The following CAMTA1 variants were observed in gnomAD, a reference collection of about 807,000 sequenced individuals.
The protein encoded by CAMTA1 is calmodulin binding transcription activator 1.
CAMTA1 carries 27 observed loss-of-function variants against 170.9 expected under a neutral mutation model. The ratio of observed to expected loss-of-function variants is 0.16; its 90% CI spans 0.12 to 0.22. The LOEUF (loss-of-function observed/expected upper bound fraction) is 0.22, where lower values mean the gene tolerates loss of function less well. Among genes scored for constraint, CAMTA1 ranks in the 10% least tolerant of loss-of-function variants. The probability of loss-of-function intolerance (pLI) is 1.00; values close to 1 mark genes in which losing one functional copy is unlikely to be tolerated. For missense variants in CAMTA1, 1,619 were observed against 2,217.2 expected, an observed-to-expected ratio of 0.73 and a Z score of 5.42; for synonymous variants, 833 against 891.5, an observed-to-expected ratio of 0.93 and a Z score of 1.17.
At chr1:7,020,422 G>A (rs1381348966) in intron 3 of CAMTA1, among the ~76,000 whole-genome samples, 1 of 152,196 alleles carries the variant, frequency 6.6e-6, no homozygotes, top group Non-Finnish European at 1.5e-5. Flanking sequence ...AGCCTGGGAG[G>A]GTAGGAGGCT....
At chr1:7,070,946 G>C (rs1471346087) in intron 3 of CAMTA1, among the ~76,000 whole-genome samples, 1 of 152,226 alleles carries the variant, frequency 6.6e-6, no homozygotes, top group East Asian at 1.9e-4. Context: ...GCGCTGACTT[G>C]GTGTGTGTTT....
chr1:7,122,319 A>G (rs147945089), intron 4 of CAMTA1, among the ~76,000 whole-genome samples: 1 of 152,010 alleles, frequency 6.6e-6, no homozygotes. Context: ...CACCCCAGGG[A>G]TGAGTGAGAA....
chr1:6,786,870 C>T (rs1311592279), intron 1 of CAMTA1, among the ~76,000 whole-genome samples: 1 of 152,168 alleles, frequency 6.6e-6, no homozygotes, highest in Admixed American at 6.5e-5. Context: ...ACTAGTTGCT[C>T]CTGTGTCTGA....
At position 7,234,496 on chromosome 1, in the gene CAMTA1, G is replaced by A. The variant is rs758448959; in HGVS notation, c.303-14995G>A. 5.9e-5 allele frequency among the ~76,000 whole-genome samples: 9 copies of A among 152,192 alleles called. No homozygotes were observed. Among genetic ancestry groups the A allele is most frequent in the Non-Finnish European group, 1.3e-4 (9 of 68,038 alleles). On this transcript the variant is annotated intron_variant, in intron 4 of 22. Transcript: ENST00000303635. This position sits in a 1 kb window ranked among gnomAD's most constrained non-coding sequence, Gnocchi z 5.0. ...CTACCGGACTGCAAGCTGTGCAGAG[G>A]CAGGGCTGTGGCACCCTCAGCACCC...
At chr1:7,105,388 G>A (rs182842557) in intron 4 of CAMTA1, among the ~76,000 whole-genome samples, 20 of 152,290 alleles carry the variant, frequency 1.3e-4, no homozygotes, top group Admixed American at 5.2e-4. Context: ...ATCTGAATTC[G>A]CAGAAGTCAC....
intron 6 of CAMTA1, among the ~76,000 whole-genome samples, chr1:7,578,901 C>CT (rs2095229827): frequency 1.3e-5 from 2 of 152,230 alleles, no homozygotes; most frequent in African/African-American, 4.8e-5. Flanking sequence ...AATTAAATTT[C>CT]TAACACATGA....
At chr1:6,876,693 C>CTA (rs1415916010) in intron 3 of CAMTA1, among the ~76,000 whole-genome samples, 2 of 152,132 alleles carry the variant, frequency 1.3e-5, no homozygotes, top group African/African-American at 4.8e-5. Flanking sequence ...GTCTTAGTAT[C>CTA]TGTCTTTCAA....
At position 6,877,792 on chromosome 1, in the gene CAMTA1, G is replaced by A. The variant is rs142955392; in HGVS notation, c.234+52582G>A. 7.8e-3 allele frequency among the ~76,000 whole-genome samples: 1,184 copies of A among 152,208 alleles called. 10 individuals are homozygous for A. The highest frequency in any genetic ancestry group is 0.011 in the Non-Finnish European group (778 of 68,000). On this transcript the variant is annotated intron_variant, in intron 3 of 22. Transcript: ENST00000303635. ...AGTACTTTATACCTCTAAGCCTTTC[G>A]TATTTCCAAAGGAGAAACCAGAATG...
intron 6 of CAMTA1, among the ~76,000 whole-genome samples, chr1:7,491,104 A>G (rs2093696647): frequency 6.6e-6 from 1 of 152,204 alleles, no homozygotes; most frequent in Admixed American, 6.5e-5. Flanking sequence ...AGGCTCTAGC[A>G]TGGTCTACCT....
At chr1:7,398,193 C>CTATATATATATATA (rs3034829) in intron 5 of CAMTA1, among the ~76,000 whole-genome samples, 16 of 16,890 alleles carry the variant, frequency 9.5e-4, no homozygotes, top group South Asian at 3.2e-3. Flanking sequence ...CTCTCTCTCT[C>CTATATATATATATA]TATATATATA....
intron 3 of CAMTA1, among the ~76,000 whole-genome samples, chr1:6,978,494 C>T (rs1255036926): frequency 1.3e-5 from 2 of 151,914 alleles, no homozygotes; most frequent in Non-Finnish European, 1.5e-5. Flanking sequence ...ATTAGCTGGG[C>T]GTGGTGGCAG....
At chr1:7,095,739 C>T (rs1642005014) in intron 4 of CAMTA1, among the ~76,000 whole-genome samples, 1 of 152,256 alleles carries the variant, frequency 6.6e-6, no homozygotes, top group Non-Finnish European at 1.5e-5. Flanking sequence ...GGGTGTTCTA[C>T]ACTGCCCTCT....
chr1:7,741,708 A>C (rs1202660943), intron 16 of CAMTA1, among the ~76,000 whole-genome samples: 1 of 152,114 alleles, frequency 6.6e-6, no homozygotes, highest in Non-Finnish European at 1.5e-5. Flanking sequence ...CAGCCTGGCC[A>C]ACATGGTGAA....
intron 4 of CAMTA1, among the ~76,000 whole-genome samples, chr1:7,233,071 C>A (rs1663142438): frequency 6.6e-6 from 1 of 151,870 alleles, no homozygotes; most frequent in East Asian, 1.9e-4. Flanking sequence ...AAAGCTCCCA[C>A]CAGAATGTGA....
rs1285012537 is a variant in CAMTA1, at chr1:7,293,290, G to A, written c.438+43664G>A. On this transcript the variant is annotated intron_variant, in intron 5 of 22. Coordinates refer to ENST00000303635, the MANE Select transcript of CAMTA1 (RefSeq NM_015215.4). The surrounding 1 kb of genome is among the most constrained non-coding windows in gnomAD (Gnocchi z 4.1). ...CAGGAGCTCCCGCCAGAGGCCTGCTGTGACAAGGGATAACGTGCTGGCAGG... is the reference window on the plus strand; with the variant it reads ...CAGGAGCTCCCGCCAGAGGCCTGCTATGACAAGGGATAACGTGCTGGCAGG... 6.6e-6 allele frequency among the ~76,000 whole-genome samples: 1 copy of A among 152,200 alleles called. No homozygotes were observed. Among genetic ancestry groups the A allele is most frequent in the East Asian group, 1.9e-4 (1 of 5,180 alleles).
chr1:7,741,517 G>A (rs547662271), intron 16 of CAMTA1, among the ~76,000 whole-genome samples: 2 of 151,450 alleles, frequency 1.3e-5, no homozygotes, highest in South Asian at 2.1e-4. Context: ...AGCCGACATC[G>A]CACCACTGCA....
chr1:7,419,233 G>A (rs1047842432), intron 5 of CAMTA1, among the ~76,000 whole-genome samples: 1 of 152,088 alleles, frequency 6.6e-6, no homozygotes, highest in African/African-American at 2.4e-5. Flanking sequence ...TCGGCTCACT[G>A]CAACCTCCAC....
At chr1:7,405,534 C>A (rs974957372) in intron 5 of CAMTA1, among the ~76,000 whole-genome samples, 18 of 76,984 alleles carry the variant, frequency 2.3e-4, no homozygotes, top group African/African-American at 1.3e-3. Flanking sequence ...CCATGCCTGG[C>A]TAATTTTTGT....
chr1:6,856,511 G>C (rs187822812), intron 3 of CAMTA1, among the ~76,000 whole-genome samples: 1 of 152,088 alleles, frequency 6.6e-6, no homozygotes, highest in Non-Finnish European at 1.5e-5. Flanking sequence ...TTTTGTGCCA[G>C]GCACTATTCT....
Sources: gnomAD v4.1 joint callset for allele counts (sites outside exome capture counted in the v4.1 genomes callset) on GRCh38, gnomAD v4.1.1 for gene constraint, Gnocchi (gnomAD v3.1) non-coding constraint, MANE v1.5 for transcripts, NCBI Gene and HGNC (gene_info 2026-07-23, HGNC 2026-07-21) for gene names.